The following ZNF385D variants were observed in gnomAD, a reference collection of about 807,000 sequenced individuals.
ZNF385D encodes zinc finger protein 385D, also known as zinc finger protein 659.
ZNF385D carries 15 observed loss-of-function variants against 35.8 expected under a neutral mutation model. That is an observed-to-expected ratio of 0.42 (90% CI 0.28 to 0.64). ZNF385D has a LOEUF of 0.64. Ranked by LOEUF, ZNF385D falls within the 30% of genes least tolerant of loss-of-function variation. The pLI, the probability that ZNF385D is intolerant of heterozygous loss-of-function variation, is 0.23. For missense variants in ZNF385D, 474 were observed against 494.6 expected (o/e 0.96, Z 0.39); for synonymous variants, 212 against 186.8 (o/e 1.13, Z -1.10).
rs11922645 is a variant in ZNF385D, at chr3:22,289,128, T to C, written c.106+83322A>G. On this transcript the variant is annotated intron_variant, in intron 2 of 5. Transcript: ENST00000494108. Reference sequence around the variant, plus strand: ...TCTCTCACCTTCTCTACACTAAGCCTGGAAGAAGATCTGTGGAAAATGCCT... The same window carrying C: ...TCTCTCACCTTCTCTACACTAAGCCCGGAAGAAGATCTGTGGAAAATGCCT... Among the ~76,000 whole-genome samples, 348 of 152,266 alleles carry C rather than the reference T, an allele frequency of 2.3e-3. 3 individuals carry two copies. The highest frequency in any genetic ancestry group is 8.1e-3 in the African/African-American group (335 of 41,564).
At chr3:22,086,266 T>C (rs569485603) in intron 3 of ZNF385D, among the ~76,000 whole-genome samples, 19 of 152,206 alleles carry the variant, frequency 1.2e-4, no homozygotes, top group South Asian at 2.1e-4. Flanking sequence ...TCAAATTGTC[T>C]CTGTTTGCAG....
intron 3 of ZNF385D, among the ~76,000 whole-genome samples, chr3:21,920,065 A>G (rs1390308440): frequency 6.6e-6 from 1 of 152,248 alleles, no homozygotes; most frequent in East Asian, 1.9e-4. Flanking sequence ...TAGCCAAAGT[A>G]TATTTTGGTA....
In ZNF385D at chr3:21,648,466, A is replaced by G. The variant is rs982826696; in HGVS notation, c.165+16420T>C. On this transcript the variant is annotated intron_variant, in intron 2 of 7. Transcript: ENST00000281523. ...GCTAATACCGGCTGTATAGAGTGCT[A>G]GGACATGTAGGCAGTTCTTACAGAA... Among the ~76,000 whole-genome samples the G allele has an allele frequency of 6.6e-4, 101 of 152,162 alleles. 4 individuals carry two copies. Among genetic ancestry groups the G allele is most frequent in the Non-Finnish European group, 1.0e-4 (7 of 68,036 alleles).
intron 1 of ZNF385D, among the ~76,000 whole-genome samples, chr3:21,687,921 T>C (rs1327467952): frequency 6.6e-6 from 1 of 151,770 alleles, no homozygotes; most frequent in Non-Finnish European, 1.5e-5. Context: ...TTAGACAGAG[T>C]CTTGATCTGT....
chr3:21,835,351 A>G (rs1394169006), intron 3 of ZNF385D, among the ~76,000 whole-genome samples: 2 of 152,012 alleles, frequency 1.3e-5, no homozygotes, highest in Non-Finnish European at 2.9e-5. Context: ...CGATCCTTCC[A>G]TTGTAAAATT....
intron 2 of ZNF385D, among the ~76,000 whole-genome samples, chr3:22,216,921 G>A (rs543356358): frequency 3.3e-5 from 5 of 152,224 alleles, no homozygotes; most frequent in African/African-American, 1.2e-4. Context: ...ATGAAGATGA[G>A]TGAGCCACAA....
intron 2 of ZNF385D, among the ~76,000 whole-genome samples, chr3:22,273,805 T>C (rs1194556513): frequency 4.6e-5 from 7 of 151,992 alleles, no homozygotes; most frequent in African/African-American, 1.4e-4. Flanking sequence ...GAACTTCTAC[T>C]GGACCAGCAG....
intron 3 of ZNF385D, among the ~76,000 whole-genome samples, chr3:21,525,416 G>C (rs1008645940): frequency 6.6e-6 from 1 of 152,024 alleles, no homozygotes; most frequent in Non-Finnish European, 1.5e-5. Context: ...GGCCGGGCAT[G>C]GTGGCTTATG....
intron 2 of ZNF385D, among the ~76,000 whole-genome samples, chr3:22,347,795 A>G (rs1175782649): frequency 6.6e-6 from 1 of 152,174 alleles, no homozygotes; most frequent in African/African-American, 2.4e-5. Context: ...ATACAGAACT[A>G]TATAGTCTCT....
intron 2 of ZNF385D, among the ~76,000 whole-genome samples, chr3:22,183,487 A>T (rs1695420686): frequency 6.6e-6 from 1 of 152,068 alleles, no homozygotes; most frequent in Admixed American, 6.6e-5. Flanking sequence ...CCTCCTGAGT[A>T]GCTGGGACTA....
intron 4 of ZNF385D, among the ~76,000 whole-genome samples, chr3:21,448,642 G>T (rs183078626): frequency 2.6e-5 from 4 of 152,260 alleles, no homozygotes; most frequent in African/African-American, 9.6e-5. Flanking sequence ...AAAATTGTTA[G>T]AACTGTTTGG....
At chr3:22,135,670 G>T (rs774621798) in intron 3 of ZNF385D, among the ~76,000 whole-genome samples, 1 of 152,084 alleles carries the variant, frequency 6.6e-6, no homozygotes, top group Non-Finnish European at 1.5e-5. Context: ...AGCTACAACA[G>T]CTAAAATTAT....
At chr3:21,712,554 T>A (rs2068153443) in intron 1 of ZNF385D, among the ~76,000 whole-genome samples, 1 of 152,276 alleles carries the variant, frequency 6.6e-6, no homozygotes, top group Non-Finnish European at 1.5e-5. Context: ...TAAACTTTTT[T>A]TAAAAAAAGT....
At position 22,329,267 on chromosome 3, in the gene ZNF385D, C is replaced by A. The variant is rs566270331; in HGVS notation, c.106+43183G>T. On this transcript the variant is annotated intron_variant, in intron 2 of 5. Transcript: ENST00000494108. ...ATTTGAAATATCTTTTTTCTTATTT[C>A]TTCTCTTTCTTGAGTAACAATTTGG... Among the ~76,000 whole-genome samples, 452 of 151,912 alleles carry A rather than the reference C, an allele frequency of 3.0e-3. 2 individuals are homozygous for A. Among genetic ancestry groups the A allele is most frequent in the African/African-American group, 9.0e-3 (373 of 41,438 alleles).
intron 2 of ZNF385D, among the ~76,000 whole-genome samples, chr3:22,321,293 T>A (rs187416028): frequency 5.7e-4 from 87 of 152,104 alleles, no homozygotes; most frequent in African/African-American, 1.3e-3. Flanking sequence ...TAACCTTTTT[T>A]AAAACTCTTT....
intron 2 of ZNF385D, among the ~76,000 whole-genome samples, chr3:22,218,780 C>A (rs1009269117): frequency 3.3e-5 from 5 of 152,044 alleles, no homozygotes; most frequent in African/African-American, 1.2e-4. Context: ...TATAGTTGTT[C>A]ATTGCCTTCA....
At chr3:22,215,920 A>C (rs1271634213) in intron 2 of ZNF385D, among the ~76,000 whole-genome samples, 2 of 152,006 alleles carry the variant, frequency 1.3e-5, no homozygotes, top group African/African-American at 4.8e-5. Flanking sequence ...CCGACACTTA[A>C]GGAATATAGA....
chr3:21,638,751 A>G (rs776278170), intron 2 of ZNF385D, among the ~76,000 whole-genome samples: 36 of 152,120 alleles, frequency 2.4e-4, no homozygotes, highest in Non-Finnish European at 2.4e-4. Flanking sequence ...TACTTTAGTT[A>G]TGCTTTATTT....
intron 3 of ZNF385D, among the ~76,000 whole-genome samples, chr3:22,027,803 C>A (rs936307150): frequency 6.6e-6 from 1 of 152,178 alleles, no homozygotes; most frequent in Non-Finnish European, 1.5e-5. Context: ...GCCTTCTCTA[C>A]CCCAGCCTGC....
Sources: allele counts gnomAD v4.1 joint callset (sites outside exome capture counted in the v4.1 genomes callset), GRCh38; gene constraint gnomAD v4.1.1; transcripts MANE v1.5; gene names NCBI Gene and HGNC (gene_info 2026-07-23, HGNC 2026-07-21).